The following MTDH variants were observed in gnomAD, a reference collection of about 807,000 sequenced individuals.
MTDH encodes protein LYRIC.
A neutral mutation model predicts 72.7 loss-of-function variants in MTDH; 34 were observed. The observed-to-expected ratio is 0.47, with a 90% CI of 0.36 to 0.62. MTDH has a LOEUF of 0.62. MTDH is among the 20% of genes least tolerant of loss of function. The pLI is 0.00. For missense variants in MTDH, 677 were observed against 699.4 expected (o/e 0.97, Z 0.36); for synonymous variants, 266 against 268.9 (o/e 0.99, Z 0.10).
intron 2 of MTDH, 107 bp downstream of exon 2, chr8:97,661,280 C>T: frequency 2.7e-6 from 2 of 747,696 alleles, no homozygotes; most frequent in East Asian, 2.9e-5. Flanking sequence ...CTCATTTAAA[C>T]AAAACTCAGA....
chr8:97,690,941 T>A lies in MTDH; in HGVS notation c.812-11T>A. ...TACCTGTTTTTTAATATTCATTTTC[T>A]TTTCTTTAAGTTTCTTCAGGATTGA... On this transcript the variant is annotated splice_polypyrimidine_tract_variant and intron_variant, in intron 5 of 11. Coordinates refer to ENST00000336273, the MANE Select transcript of MTDH (RefSeq NM_178812.4). The A allele has an allele frequency of 6.3e-7, 1 of 1,580,754 alleles. No homozygotes were observed. The highest frequency in any genetic ancestry group is 8.6e-7 in the Non-Finnish European group (1 of 1,162,814).
intron 8 of MTDH, among the ~76,000 whole-genome samples, chr8:97,711,745 T>G (rs1454398107): frequency 6.6e-6 from 1 of 152,208 alleles, no homozygotes; most frequent in Non-Finnish European, 1.5e-5. Context: ...AAGTTTAATT[T>G]GTAAATTAGT....
chr8:97,656,124 A>G lies in MTDH; in HGVS notation c.382-4948A>G, dbSNP rs540823763. ...AGGTCATTTGAATCATGATCTTTAC[A>G]TGTTGTGGCTAGAAATACAGTTTAC... On this transcript the variant is annotated intron_variant, in intron 1 of 11. Transcript: ENST00000336273. Among the ~76,000 whole-genome samples the G allele has an allele frequency of 1.0e-3, 154 of 152,102 alleles. 1 individual carries two copies. Among genetic ancestry groups the G allele is most frequent in the African/African-American group, 3.7e-3 (154 of 41,514 alleles).
chr8:97,724,953 G>A lies in MTDH; in HGVS notation c.*283G>A. On this transcript the variant is annotated 3_prime_UTR_variant, in exon 12 of 12. Transcript: ENST00000336273. ...AATATTATCCTGGTTTAACAACAGT[G>A]CCCTGTTTACAACAGATTGTGCCCT... 4.3e-6 allele frequency: 1 copy of A among 231,990 alleles called. No individual in the cohort carries two copies. The highest frequency in any genetic ancestry group is 7.8e-5 in the South Asian group (1 of 12,782). The allele number at this position is 231,990 out of a possible 1,614,324, so 14.4% of individuals were successfully genotyped here. A position where few individuals can be genotyped will look rare whatever the true frequency, so the allele number is the denominator to read the frequency against.
At chr8:97,706,602 C>G (rs1218450568) in intron 7 of MTDH, 24 bp from the exon 8 acceptor site, 1 of 1,511,004 alleles carries the variant, frequency 6.6e-7, no homozygotes, top group African/African-American at 1.4e-5. Flanking sequence ...TGATAGACGC[C>G]TAATTCACAC....
chr8:97,715,434 C>T (rs890431325), intron 9 of MTDH, among the ~76,000 whole-genome samples: 37 of 152,150 alleles, frequency 2.4e-4, no homozygotes, highest in African/African-American at 8.0e-4. Context: ...CAGCCACTTA[C>T]TGTTTTTGAA....
intron 10 of MTDH, among the ~76,000 whole-genome samples, chr8:97,722,339 T>C (rs761313763): frequency 3.3e-5 from 5 of 152,208 alleles, no homozygotes; most frequent in Admixed American, 6.5e-5. Context: ...TGGTTGCTCA[T>C]GCCTGTAATC....
chr8:97,713,613 G>A (rs773866131), intron 8 of MTDH, 49 bp from the exon 9 acceptor site: 2 of 1,000,008 alleles, frequency 2.0e-6, no homozygotes, highest in Non-Finnish European at 3.0e-6. Context: ...TCTAAATAAT[G>A]GACACATAAC....
chr8:97,709,804 G>A (rs915598678), intron 8 of MTDH, among the ~76,000 whole-genome samples: 1 of 152,110 alleles, frequency 6.6e-6, no homozygotes, highest in Non-Finnish European at 1.5e-5. Flanking sequence ...CGGTATAAAG[G>A]AATTTGAAAT....
chr8:97,686,697 A>G lies in MTDH; in HGVS notation c.513A>G (p.Ser171=). Residue 171 remains serine, a synonymous_variant, in exon 3 of 12, where the codon TCA becomes TCG. Transcript: ENST00000336273. ...AGAAAAATAAGAAGAAATCAAAGTC[A>G]GATGCTAAAGCAGTGCAAAACAGTT... ...KSKKNKKKSK[S]DAKAVQNSSR... is the part of the protein sequence containing the mutation. The G allele has an allele frequency of 6.3e-7, 1 of 1,582,146 alleles. No homozygotes were observed. Among genetic ancestry groups the G allele is most frequent in the Non-Finnish European group, 8.6e-7 (1 of 1,166,260 alleles).
chr8:97,692,785 A>G (rs1474971282), intron 6 of MTDH, among the ~76,000 whole-genome samples: 1 of 151,876 alleles, frequency 6.6e-6, no homozygotes, highest in Non-Finnish European at 1.5e-5. Flanking sequence ...GCTGGAGTGC[A>G]GTGGCATGAT....
At chr8:97,675,597 C>G (rs1263627164) in intron 2 of MTDH, among the ~76,000 whole-genome samples, 1 of 143,508 alleles carries the variant, frequency 7.0e-6, no homozygotes, top group Non-Finnish European at 1.5e-5. Context: ...CAGGGCCAGG[C>G]AAAGGGGACT....
intron 2 of MTDH, among the ~76,000 whole-genome samples, chr8:97,676,863 G>T (rs1271153742): frequency 6.6e-6 from 1 of 151,738 alleles, no homozygotes; most frequent in Non-Finnish European, 1.5e-5. Context: ...AAATTAGCTG[G>T]GCGTGGTGGC....
rs908631695 is a variant in MTDH, at chr8:97,683,659, G to C, written c.484-3009G>C. Among the ~76,000 whole-genome samples, 5 of 152,000 alleles carry C rather than the reference G, an allele frequency of 3.3e-5. No individual in the cohort carries two copies. In the East Asian group the frequency reaches 9.7e-4, roughly 29 times the overall value. Reference sequence around the variant, plus strand: ...TCCTCCCACCTCAACCTTCCAAATTGCTGGGATTACAGGTGTAAACCACCG... The same window carrying C: ...TCCTCCCACCTCAACCTTCCAAATTCCTGGGATTACAGGTGTAAACCACCG... On this transcript the variant is annotated intron_variant, in intron 2 of 11. Coordinates refer to ENST00000336273, the MANE Select transcript of MTDH (RefSeq NM_178812.4).
chr8:97,687,251 CAT>C (rs1813403631), intron 3 of MTDH, among the ~76,000 whole-genome samples, 176 bp from the exon 4 acceptor site: 1 of 151,994 alleles, frequency 6.6e-6, no homozygotes, highest in South Asian at 2.1e-4. Context: ...CCTAAAACAA[CAT>C]AATGAAATTA....
chr8:97,682,746 T>G (rs1432755567), intron 2 of MTDH, among the ~76,000 whole-genome samples: 1 of 151,182 alleles, frequency 6.6e-6, no homozygotes, highest in Admixed American at 6.6e-5. Context: ...AAAGTCTCCC[T>G]TCTTAAAAAA....
chr8:97,651,997 A>G (rs10955127), intron 1 of MTDH, among the ~76,000 whole-genome samples: 30,400 of 152,028 alleles, frequency 0.2, 3,308 homozygotes, highest in East Asian at 0.33. Flanking sequence ...TATCTAACCC[A>G]TCAGCAAAGT....
chr8:97,713,081 TTTTA>T (rs546559317), intron 8 of MTDH, among the ~76,000 whole-genome samples: 2 of 152,084 alleles, frequency 1.3e-5, no homozygotes, highest in African/African-American at 2.4e-5. Context: ...AATTTTTTAT[TTTTA>T]TTTATTTATT....
intron 8 of MTDH, among the ~76,000 whole-genome samples, chr8:97,708,345 G>A (rs571691985): frequency 3.1e-5 from 4 of 130,838 alleles, no homozygotes; most frequent in Non-Finnish European, 6.2e-5. Flanking sequence ...GCAGTGGCAC[G>A]ATCTCAGCTC....
Sources: allele counts gnomAD v4.1 joint callset (sites outside exome capture counted in the v4.1 genomes callset), GRCh38; gene constraint gnomAD v4.1.1; transcripts MANE v1.5; gene names NCBI Gene and HGNC (gene_info 2026-07-23, HGNC 2026-07-21).